Variants in MOV10L1 observed in about 807,000 individuals in gnomAD.
The protein encoded by MOV10L1 is RNA helicase Mov10l1.
MOV10L1 carries 110 observed loss-of-function variants against 143.8 expected under a neutral mutation model. The ratio of observed to expected loss-of-function variants is 0.76; its 90% CI spans 0.66 to 0.90. The LOEUF (loss-of-function observed/expected upper bound fraction) is 0.90. Among genes scored for constraint, MOV10L1 ranks in the 40% least tolerant of loss-of-function variants. The probability of loss-of-function intolerance (pLI) is 0.00; values close to 1 mark genes in which losing one functional copy is unlikely to be tolerated. For missense variants in MOV10L1, 1,406 were observed against 1,526.8 expected, an observed-to-expected ratio of 0.92 and a Z score of 1.32; for synonymous variants, 593 against 581.1, an observed-to-expected ratio of 1.02 and a Z score of -0.29.
At chr22:50,136,948 C>G (rs2062836737) in intron 15 of MOV10L1, among the ~76,000 whole-genome samples, 1 of 152,158 alleles carries the variant, frequency 6.6e-6, no homozygotes, top group Non-Finnish European at 1.5e-5. Context: ...GGTGTTGTCT[C>G]AGGAGCGTAG....
At chr22:50,139,730 AT>A (rs1172968774) in intron 15 of MOV10L1, among the ~76,000 whole-genome samples, 1 of 152,244 alleles carries the variant, frequency 6.6e-6, no homozygotes, top group Non-Finnish European at 1.5e-5. Context: ...TTACCAGAGA[AT>A]ACATACAGAT....
At chr22:50,098,991 T>C (rs1480737428) in intron 2 of MOV10L1, among the ~76,000 whole-genome samples, 2 of 152,262 alleles carry the variant, frequency 1.3e-5, no homozygotes, top group Admixed American at 6.5e-5. Context: ...TGAAACACTT[T>C]TGCATTCTGG....
rs1316071128 is a variant in MOV10L1 at position 50,134,710 on chromosome 22, C to T, written c.2070+80C>T. On this transcript the variant is annotated intron_variant, in intron 15 of 26. Transcript: ENST00000262794. Reference sequence around the variant, plus strand: ...TGTCTTTACATAGGGGGTGGCTCAGCGGCGTGACTGTCTCTACACAGGGGA... The same window carrying T: ...TGTCTTTACATAGGGGGTGGCTCAGTGGCGTGACTGTCTCTACACAGGGGA... 10 of 1,225,222 alleles carry T rather than the reference C, an allele frequency of 8.2e-6. No individual in the cohort carries two copies. In the African/African-American group the frequency reaches 1.0e-4, roughly 13 times the overall value. 75.9% of individuals were successfully genotyped at this position (1,225,222 alleles called of 1,614,324 possible). A position where few individuals can be genotyped will look rare whatever the true frequency, so the allele number is the denominator to read the frequency against.
Position 50,159,622 on chromosome 22 carries a change from A to C in MOV10L1, c.3217-56A>C. On this transcript the variant is annotated intron_variant, in intron 23 of 26. Transcript: ENST00000262794. The surrounding 1 kb of genome is among the most constrained non-coding windows in gnomAD (Gnocchi z 4.1). ...ATCTCAAAAAAAAAAAAGGAAAAGAAAAGAAATGGATTTGTACAGTGTTAT... is the reference window on the plus strand; with the variant it reads ...ATCTCAAAAAAAAAAAAGGAAAAGACAAGAAATGGATTTGTACAGTGTTAT... 1 of 1,240,308 alleles carries C rather than the reference A, an allele frequency of 8.1e-7. No individual in the cohort carries two copies. The highest frequency in any genetic ancestry group is 2.4e-5 in the East Asian group (1 of 41,186). The allele number at this position is 1,240,308 out of a possible 1,614,324, so 76.8% of individuals were successfully genotyped here.
At chr22:50,115,042 A>G (rs2147151060) in intron 7 of MOV10L1, 72 bp from the exon 8 acceptor site, 2 of 1,472,720 alleles carry the variant, frequency 1.4e-6, no homozygotes, top group South Asian at 1.3e-5. Flanking sequence ...ATTCATTTCC[A>G]CTAAGCATGC....
At position 50,145,697 on chromosome 22, in the gene MOV10L1, T is replaced by C. The variant is rs369648600; in HGVS notation, c.2514T>C (p.Ile838=). The change falls in exon 19 of 27, where the codon ATT becomes ATC. Residue 838 remains isoleucine (I), a synonymous_variant. Transcript: ENST00000262794. ...NATCRFEEIV[I]DAVKPYCRDG... is the part of the protein sequence containing the mutation. ...CGCCTCCTTGCCCCCAGATAGTTATTGACGCCGTCAAACCGTATTGCAGAG... is the reference window on the plus strand; with the variant it reads ...CGCCTCCTTGCCCCCAGATAGTTATCGACGCCGTCAAACCGTATTGCAGAG... 3 of 1,613,978 alleles carry C rather than the reference T, an allele frequency of 1.9e-6. No individual in the cohort carries two copies. In the African/African-American group the frequency reaches 4.0e-5, roughly 22 times the overall value.
intron 10 of MOV10L1, among the ~76,000 whole-genome samples, chr22:50,125,066 A>T (rs139125947): frequency 8.5e-5 from 13 of 152,334 alleles, no homozygotes; most frequent in Admixed American, 1.3e-4. Context: ...TGTCTGTGGA[A>T]GCCAAATTCT....
In MOV10L1 at chr22:50,159,639, CA is replaced by C; in HGVS notation, c.3217-38del. 7.9e-7 allele frequency: 1 copy of C among 1,269,090 alleles called. No homozygotes were observed. Among genetic ancestry groups the C allele is most frequent in the East Asian group, 2.4e-5 (1 of 42,122 alleles). The allele number at this position is 1,269,090 out of a possible 1,614,324, so 78.6% of individuals were successfully genotyped here. ...GGAAAAGAAAAGAAATGGATTTGTA[CA>C]GTGTTATCTTTAGTCTTTCTTTTAA... On this transcript the variant is annotated intron_variant, in intron 23 of 26. Transcript: ENST00000262794. The surrounding 1 kb of genome is among the most constrained non-coding windows in gnomAD (Gnocchi z 4.1).
intron 3 of MOV10L1, 139 bp downstream of exon 3, chr22:50,099,741 A>G (rs960705286): frequency 5.8e-5 from 59 of 1,009,080 alleles, no homozygotes; most frequent in Admixed American, 1.1e-4. Flanking sequence ...TGAGCCCAGG[A>G]GTTGGAGGCT....
Position 50,152,951 on chromosome 22 carries a change from G to A in MOV10L1, c.2893-94G>A. On this transcript the variant is annotated intron_variant, in intron 21 of 26. Coordinates refer to ENST00000262794, the MANE Select transcript of MOV10L1 (RefSeq NM_018995.3). This position sits in a 1 kb window ranked among gnomAD's most constrained non-coding sequence, Gnocchi z 4.4. ...CAGAGTCAGGCTTGGAAGTCAGGCA[G>A]GCCTCACGTTTGCTGTGCAGAGCCG... 2.3e-6 allele frequency: 3 copies of A among 1,288,122 alleles called. No homozygotes were observed. The highest frequency in any genetic ancestry group is 3.2e-6 in the Non-Finnish European group (3 of 926,758). The allele number at this position is 1,288,122 out of a possible 1,614,324, so 79.8% of individuals were successfully genotyped here.
intron 2 of MOV10L1, among the ~76,000 whole-genome samples, chr22:50,096,650 C>T (rs2062596323): frequency 6.6e-6 from 1 of 151,564 alleles, no homozygotes; most frequent in Admixed American, 6.6e-5. Flanking sequence ...TTTTCTTTTT[C>T]TTTTTTTTTC....
intron 19 of MOV10L1, among the ~76,000 whole-genome samples, chr22:50,148,144 G>A (rs938604188): frequency 1.3e-5 from 2 of 152,266 alleles, no homozygotes; most frequent in African/African-American, 4.8e-5. Flanking sequence ...TGAGGACGGT[G>A]CGGGCCCAAG....
At chr22:50,145,604 G>C in intron 18 of MOV10L1, 85 bp from the exon 19 acceptor site, 1 of 1,544,126 alleles carries the variant, frequency 6.5e-7, no homozygotes, top group East Asian at 2.3e-5. Flanking sequence ...ACGTAACTAA[G>C]AAGTGGTACC....
At chr22:50,091,781 T>G (rs1244460730) in intron 1 of MOV10L1, among the ~76,000 whole-genome samples, 1 of 152,174 alleles carries the variant, frequency 6.6e-6, no homozygotes, top group Non-Finnish European at 1.5e-5. Flanking sequence ...CCACTACCTG[T>G]GCCCTTCTGA....
In MOV10L1 at chr22:50,158,070, G is replaced by A. The variant is rs778578765; in HGVS notation, c.3080G>A (p.Arg1027Gln). 51 of 1,613,646 alleles carry A rather than the reference G, an allele frequency of 3.2e-5. No homozygotes were observed. Among genetic ancestry groups the A allele is most frequent in the East Asian group, 6.7e-5 (3 of 44,888 alleles). Residue 1027 changes from arginine to glutamine, a missense_variant, in exon 23 of 27, where the codon CGG becomes CAG. By Grantham distance (43) the Arg-to-Gln change is conservative (BLOSUM62 1). Coordinates refer to ENST00000262794, the MANE Select transcript of MOV10L1 (RefSeq NM_018995.3). The surrounding 1 kb of genome is among the most constrained non-coding windows in gnomAD (Gnocchi z 5.0). ...TCATCAACCCAGGGCAGCGAGGCAC[G>A]GGAGGGAAAAAGCCCATCGTGGTTC... ...IFHGVRGSEAREGKSPSWFNP... is the reference protein window; with the variant it reads ...IFHGVRGSEAQEGKSPSWFNP...
At chr22:50,120,298 G>T (rs2062302146) in intron 9 of MOV10L1, among the ~76,000 whole-genome samples, 1 of 152,164 alleles carries the variant, frequency 6.6e-6, no homozygotes. Flanking sequence ...TAGAGCACTT[G>T]TGGGAACTGT....
chr22:50,090,286 G>C, intron 1 of MOV10L1, 101 bp downstream of exon 1: 1 of 1,446,298 alleles, frequency 6.9e-7, no homozygotes. Context: ...CGGGCCGGCA[G>C]GCAACGCTGG....
At chr22:50,150,702 C>A in intron 20 of MOV10L1, 33 bp from the exon 21 acceptor site, 2 of 1,606,860 alleles carry the variant, frequency 1.2e-6, no homozygotes, top group East Asian at 2.2e-5. Flanking sequence ...GGCACCCTCC[C>A]TGCATGAGCT....
chr22:50,107,341 C>T (rs918446632), intron 3 of MOV10L1, among the ~76,000 whole-genome samples: 12 of 152,334 alleles, frequency 7.9e-5, no homozygotes, highest in Non-Finnish European at 1.0e-4. Flanking sequence ...GGATTACAGG[C>T]GTGAGCCACC....
Sources: gnomAD v4.1 joint callset for allele counts (sites outside exome capture counted in the v4.1 genomes callset) on GRCh38, gnomAD v4.1.1 for gene constraint, Gnocchi (gnomAD v3.1) non-coding constraint, MANE v1.5 for transcripts, NCBI Gene and HGNC (gene_info 2026-07-23, HGNC 2026-07-21) for gene names.